IGLL5: variants seen among roughly 807,000 people sequenced by gnomAD.
IGLL5 encodes the protein immunoglobulin lambda-like polypeptide 5.
Under a neutral mutation model 20.9 loss-of-function variants are expected in IGLL5, and 30 were observed. The observed-to-expected ratio is 1.44, with a 90% CI of 1.07 to 1.95. IGLL5 has a LOEUF of 1.95. Among genes scored for constraint, IGLL5 ranks in the 30% most tolerant of loss-of-function variants. IGLL5 has a pLI of 0.00. For synonymous variants in IGLL5, 203 were observed against 117.3 expected, an observed-to-expected ratio of 1.73 and a Z score of -4.72; for missense variants, 475 against 270.7, an observed-to-expected ratio of 1.75 and a Z score of -5.30.
At chr22:22,889,098 T>C (rs145130612) in intron 1 of IGLL5, among the ~76,000 whole-genome samples, 8 of 151,090 alleles carry the variant, frequency 5.3e-5, no homozygotes, top group East Asian at 4.1e-4. Context: ...CAGAGTCAGA[T>C]TTGTGTTTTT....
intron 1 of IGLL5, among the ~76,000 whole-genome samples, chr22:22,889,191 A>G (rs2067694764): frequency 3.3e-5 from 5 of 151,124 alleles, no homozygotes; most frequent in South Asian, 2.1e-4. Flanking sequence ...AGTCCAGGGT[A>G]GGTGGGGATC....
At chr22:22,891,599 TG>T (rs1171942320) in intron 1 of IGLL5, among the ~76,000 whole-genome samples, 7 of 151,296 alleles carry the variant, frequency 4.6e-5, no homozygotes. Flanking sequence ...TCACAGAATA[TG>T]GGATTAATTT....
intron 1 of IGLL5, among the ~76,000 whole-genome samples, chr22:22,889,922 A>T (rs2067763126): frequency 6.6e-6 from 1 of 151,202 alleles, no homozygotes; most frequent in Admixed American, 6.6e-5. Flanking sequence ...GTATATATGC[A>T]TTTTCAAAAA....
At chr22:22,889,361 C>A (rs2067711191) in intron 1 of IGLL5, among the ~76,000 whole-genome samples, 1 of 151,018 alleles carries the variant, frequency 6.6e-6, no homozygotes, top group African/African-American at 2.4e-5. Context: ...AATGTATAAC[C>A]ATTTTAGCAA....
At chr22:22,889,932 A>T (rs2067763887) in intron 1 of IGLL5, among the ~76,000 whole-genome samples, 1 of 151,220 alleles carries the variant, frequency 6.6e-6, no homozygotes, top group Non-Finnish European at 1.5e-5. Context: ...ATTTTCAAAA[A>T]CCTGTCAGAA....
intron 1 of IGLL5, among the ~76,000 whole-genome samples, chr22:22,888,534 T>A (rs574527826): frequency 6.6e-6 from 1 of 151,376 alleles, no homozygotes; most frequent in South Asian, 2.1e-4. Context: ...AATCACCTAG[T>A]CCTAGTCCTC....
chr22:22,888,430 T>C (rs550696614), intron 1 of IGLL5, among the ~76,000 whole-genome samples, 171 bp downstream of exon 1: 7 of 151,480 alleles, frequency 4.6e-5, no homozygotes, highest in East Asian at 4.0e-4. Flanking sequence ...CAGATTTGTT[T>C]GAATTACTGT....
At chr22:22,889,659 C>T (rs2067743083) in intron 1 of IGLL5, among the ~76,000 whole-genome samples, 3 of 151,416 alleles carry the variant, frequency 2.0e-5, no homozygotes, top group Admixed American at 1.3e-4. Flanking sequence ...GTGGCCACAG[C>T]TCACTGCAGC....
rs1359140109 is a variant in IGLL5, at chr22:22,887,887, G to T, written c.-167G>T. On this transcript the variant is annotated 5_prime_UTR_variant, in exon 1 of 3. Coordinates refer to ENST00000526893, the MANE Select transcript of IGLL5 (RefSeq NM_001178126.2). ...CCAGGGGTGACAGCCATGGACCCTGGAAGGGCCTGGGCTAGGGACAGGGAC... is the reference window on the plus strand; with the variant it reads ...CCAGGGGTGACAGCCATGGACCCTGTAAGGGCCTGGGCTAGGGACAGGGAC... The T allele has an allele frequency of 1.5e-6, 1 of 668,154 alleles. No homozygotes were observed. The allele number at this position is 668,154 out of a possible 1,614,324, so 41.4% of individuals were successfully genotyped here.
intron 2 of IGLL5, among the ~76,000 whole-genome samples, chr22:22,894,546 A>C (rs569834201): frequency 6.6e-6 from 1 of 151,378 alleles, no homozygotes; most frequent in Admixed American, 6.6e-5. Flanking sequence ...CTCTCTGTTC[A>C]CGGATCGGCC....
At position 22,887,972 on chromosome 22, in the gene IGLL5, C is replaced by A; in HGVS notation, c.-82C>A. 2.7e-6 allele frequency: 3 copies of A among 1,115,392 alleles called. No individual in the cohort carries two copies. Among genetic ancestry groups the A allele is most frequent in the South Asian group, 2.7e-5 (2 of 74,996 alleles). 69.1% of individuals were successfully genotyped at this position (1,115,392 alleles called of 1,614,324 possible). A position where few individuals can be genotyped will look rare whatever the true frequency, so the allele number is the denominator to read the frequency against. On this transcript the variant is annotated 5_prime_UTR_variant, in exon 1 of 3. In the 5' UTR this introduces an upstream ATG that the reference lacks. Transcript: ENST00000526893. ...ACTGGGGTGTACTGTAACAGCCCTGCTGGCGAGAGGGACCAGGGCACCGTC... is the reference window on the plus strand; with the variant it reads ...ACTGGGGTGTACTGTAACAGCCCTGATGGCGAGAGGGACCAGGGCACCGTC...
intron 1 of IGLL5, among the ~76,000 whole-genome samples, chr22:22,888,488 T>G (rs544964582): frequency 1.3e-5 from 2 of 151,480 alleles, no homozygotes; most frequent in South Asian, 2.1e-4. Flanking sequence ...CTGAGTTTTC[T>G]GGCGCCACTT....
intron 1 of IGLL5, among the ~76,000 whole-genome samples, chr22:22,889,422 A>G (rs1242515701): frequency 6.6e-6 from 1 of 151,264 alleles, no homozygotes; most frequent in Non-Finnish European, 1.5e-5. Flanking sequence ...GGGCAATTCC[A>G]CTTCTAGGAA....
intron 1 of IGLL5, among the ~76,000 whole-genome samples, chr22:22,889,828 C>T (rs533094680): frequency 1.7e-4 from 25 of 151,408 alleles, no homozygotes; most frequent in Non-Finnish European, 2.7e-4. Flanking sequence ...AATTCCTAAG[C>T]TCAAGCAATC....
Position 22,888,261 on chromosome 22 carries a change from T to C in IGLL5, c.206+2T>C, listed in dbSNP as rs561122720. On this transcript the variant is annotated splice_donor_variant, in intron 1 of 2. Coordinates refer to ENST00000526893, the MANE Select transcript of IGLL5 (RefSeq NM_001178126.2). LOFTEE classifies it high-confidence loss of function. ...CAGCCTGCGGAGCCTGTGGGGCAGGTAAGGGGCAAGAGATTCCAGGGGATG... is the reference window on the plus strand; with the variant it reads ...CAGCCTGCGGAGCCTGTGGGGCAGGCAAGGGGCAAGAGATTCCAGGGGATG... The C allele has an allele frequency of 1.9e-6, 3 of 1,546,770 alleles. No individual in the cohort carries two copies. Among genetic ancestry groups the C allele is most frequent in the Admixed American group, 2.0e-5 (1 of 50,688 alleles).
chr22:22,888,635 T>A (rs534077871), intron 1 of IGLL5, among the ~76,000 whole-genome samples: 1 of 151,084 alleles, frequency 6.6e-6, no homozygotes, highest in African/African-American at 2.4e-5. Flanking sequence ...TTCCTCCCCC[T>A]CCTCCTCTCT....
intron 1 of IGLL5, among the ~76,000 whole-genome samples, chr22:22,888,502 T>G (rs528647714): frequency 6.6e-6 from 1 of 151,388 alleles, no homozygotes; most frequent in Admixed American, 6.6e-5. Context: ...GCCACTTAAA[T>G]TTTCACCAGG....
intron 1 of IGLL5, among the ~76,000 whole-genome samples, chr22:22,891,229 AT>A (rs374829288): frequency 3.3e-5 from 5 of 149,276 alleles, no homozygotes; most frequent in East Asian, 2.0e-4. Flanking sequence ...TTGGTGTTTT[AT>A]TTTTTTTTCT....
In IGLL5 at chr22:22,888,102, G is replaced by C. The variant is rs921197053; in HGVS notation, c.49G>C (p.Gly17Arg). Residue 17 changes from glycine (G) to arginine (R), a missense_variant, in exon 1 of 3, where the codon GGC (glycine) becomes CGC (arginine). Gly to Arg is a moderately radical substitution (Grantham distance 125, BLOSUM62 -2). Coordinates refer to ENST00000526893, the MANE Select transcript of IGLL5 (RefSeq NM_001178126.2). ...QVGCETPEEL[G>R]PGPRQRWPLL... ...GGGTTGTGAGACCCCTGAGGAGCTG[G>C]GCCCTGGTCCCAGGCAGCGCTGGCC... 2 of 1,549,310 alleles carry C rather than the reference G, an allele frequency of 1.3e-6. No individual in the cohort carries two copies. Among genetic ancestry groups the C allele is most frequent in the Non-Finnish European group, 1.7e-6 (2 of 1,146,630 alleles).
Sources: gnomAD v4.1 joint callset for allele counts (sites outside exome capture counted in the v4.1 genomes callset) on GRCh38, gnomAD v4.1.1 for gene constraint, MANE v1.5 for transcripts, NCBI Gene and HGNC (gene_info 2026-07-23, HGNC 2026-07-21) for gene names.